The following ZCCHC24 variants were observed in gnomAD, a reference collection of about 807,000 sequenced individuals.
ZCCHC24 encodes zinc finger CCHC-type containing 24, also known as zinc finger CCHC domain-containing protein 24.
A neutral mutation model predicts 26.2 loss-of-function variants in ZCCHC24; 10 were observed. That is an observed-to-expected ratio of 0.38 (90% CI 0.24 to 0.65). The LOEUF (loss-of-function observed/expected upper bound fraction) is 0.65, where lower values mean the gene tolerates loss of function less well. Among genes scored for constraint, ZCCHC24 ranks in the 30% least tolerant of loss-of-function variants. The pLI, the probability that ZCCHC24 is intolerant of heterozygous loss-of-function variation, is 0.54. For missense variants in ZCCHC24, 243 were observed against 329.1 expected (o/e 0.74, Z 2.03); for synonymous variants, 144 against 147.1 (o/e 0.98, Z 0.15).
rs149798867 is a variant in ZCCHC24 at position 79,386,348 on chromosome 10, C to T, written c.723G>A (p.Gln241=). 1.1e-5 allele frequency: 18 copies of T among 1,612,766 alleles called. No individual in the cohort carries two copies. The highest frequency in any genetic ancestry group is 1.5e-5 in the Non-Finnish European group (18 of 1,179,740). Residue 241 remains glutamine, a synonymous_variant, in exon 4 of 4, where the codon CAG becomes CAA. Coordinates refer to ENST00000372336, the MANE Select transcript of ZCCHC24 (RefSeq NM_153367.4). The stretch of plus-strand genomic sequence containing the variant: ...CTGGGTGCGGGCGGGCAGCCCGTCA[C>T]TGCACGCGACGGCAGTAGTAGCCCA... The part of the protein sequence containing the change: ...KVLGYYCRRV[Q]
intron 1 of ZCCHC24, among the ~76,000 whole-genome samples, chr10:79,443,535 C>T (rs769122397): frequency 1.5e-4 from 23 of 152,214 alleles, no homozygotes; most frequent in Non-Finnish European, 2.6e-4. Flanking sequence ...CCATTCATAC[C>T]CTCTATCACC....
intron 3 of ZCCHC24, 34 bp from the exon 4 acceptor site, chr10:79,386,492 T>G (rs1589656566): frequency 2.0e-6 from 3 of 1,521,252 alleles, no homozygotes; most frequent in African/African-American, 1.4e-5. Context: ...CCCAGGGGAG[T>G]GAGGGGAGAG....
At chr10:79,424,674 C>T (rs941870) in intron 2 of ZCCHC24, among the ~76,000 whole-genome samples, 38,140 of 152,048 alleles carry the variant, frequency 0.25, 5,070 homozygotes, top group East Asian at 0.52. Context: ...ACCTAAAACC[C>T]TTCTCCCTGG....
intron 2 of ZCCHC24, among the ~76,000 whole-genome samples, chr10:79,399,558 G>A (rs1233536601): frequency 6.6e-6 from 1 of 152,188 alleles, no homozygotes; most frequent in African/African-American, 2.4e-5. Flanking sequence ...GGCCCTTTGG[G>A]GACCAGAGAG....
intron 2 of ZCCHC24, among the ~76,000 whole-genome samples, chr10:79,407,084 G>T (rs1224265102): frequency 1.3e-5 from 2 of 152,188 alleles, no homozygotes; most frequent in Non-Finnish European, 2.9e-5. Flanking sequence ...GTGCCACAGT[G>T]CCACCCTAGG....
At chr10:79,388,843 G>A (rs1341199754) in intron 3 of ZCCHC24, among the ~76,000 whole-genome samples, 1 of 152,244 alleles carries the variant, frequency 6.6e-6, no homozygotes, top group African/African-American at 2.4e-5. Flanking sequence ...TATGGGGAAG[G>A]GAGTTTCCAC....
At chr10:79,423,587 A>ATATATTTTATATATATAC (rs749128110) in intron 2 of ZCCHC24, among the ~76,000 whole-genome samples, 5 of 112,786 alleles carry the variant, frequency 4.4e-5, no homozygotes, top group Admixed American at 9.8e-5. Flanking sequence ...TATACTATAT[A>ATATATTTTATATATATAC]TATATATATA....
chr10:79,392,535 C>T (rs1357509303), intron 3 of ZCCHC24, among the ~76,000 whole-genome samples: 2 of 152,228 alleles, frequency 1.3e-5, no homozygotes, highest in Non-Finnish European at 2.9e-5. Flanking sequence ...ACCATCAGCC[C>T]TTTGCTGTCT....
At chr10:79,427,052 C>CA (rs1411086928) in intron 2 of ZCCHC24, among the ~76,000 whole-genome samples, 1 of 150,274 alleles carries the variant, frequency 6.7e-6, no homozygotes, top group Admixed American at 6.6e-5. Flanking sequence ...TAATATCAGA[C>CA]AAAATATACT....
chr10:79,393,509 C>T (rs142965831), intron 3 of ZCCHC24, among the ~76,000 whole-genome samples: 8 of 152,346 alleles, frequency 5.3e-5, no homozygotes, highest in African/African-American at 1.9e-4. Flanking sequence ...TCAGTCCCCT[C>T]CCAGCTCACA....
rs373809973 is a variant in ZCCHC24 at position 79,442,577 on chromosome 10, T to C, written c.246+2618A>G. Among the ~76,000 whole-genome samples the C allele has an allele frequency of 2.6e-5, 4 of 152,246 alleles. No individual in the cohort carries two copies. The East Asian group carries it at 5.8e-4, about 22-fold the overall frequency. The stretch of plus-strand genomic sequence containing the variant: ...AGGGGTTGGCGCAGACAGGCCGTGG[T>C]CAGTGGTCAGCATGCAAGTCACATC... On this transcript the variant is annotated intron_variant, in intron 1 of 3. Coordinates refer to ENST00000372336, the MANE Select transcript of ZCCHC24 (RefSeq NM_153367.4).
intron 1 of ZCCHC24, among the ~76,000 whole-genome samples, chr10:79,444,487 G>GC (rs1857333789): frequency 6.7e-6 from 1 of 148,280 alleles, no homozygotes; most frequent in East Asian, 2.0e-4. Context: ...CCCCTTTCTA[G>GC]CCCCCCTCCC....
intron 2 of ZCCHC24, among the ~76,000 whole-genome samples, chr10:79,407,848 G>T (rs1157847394): frequency 6.6e-6 from 1 of 152,160 alleles, no homozygotes; most frequent in East Asian, 1.9e-4. Flanking sequence ...AGCCTGGATT[G>T]GGGGAGAAAG....
At chr10:79,387,291 G>A (rs912172698) in intron 3 of ZCCHC24, among the ~76,000 whole-genome samples, 5 of 152,170 alleles carry the variant, frequency 3.3e-5, no homozygotes, top group African/African-American at 1.2e-4. Context: ...CATTCACAGT[G>A]CCTCATTTGC....
At chr10:79,405,226 T>C (rs943319901) in intron 2 of ZCCHC24, among the ~76,000 whole-genome samples, 1 of 152,182 alleles carries the variant, frequency 6.6e-6, no homozygotes, top group Admixed American at 6.5e-5. Flanking sequence ...AACTCAGAGA[T>C]TTCACCCGAA....
chr10:79,391,839 GC>G (rs1448257604), intron 3 of ZCCHC24, among the ~76,000 whole-genome samples: 1 of 150,968 alleles, frequency 6.6e-6, no homozygotes, highest in Non-Finnish European at 1.5e-5. Context: ...CTTGTCCTTT[GC>G]GGTGACTCAG....
chr10:79,400,822 C>T (rs1856618887), intron 2 of ZCCHC24, among the ~76,000 whole-genome samples: 1 of 152,214 alleles, frequency 6.6e-6, no homozygotes, highest in African/African-American at 2.4e-5. Flanking sequence ...AGCCCCCCAA[C>T]TGTGGAATGC....
intron 2 of ZCCHC24, among the ~76,000 whole-genome samples, chr10:79,404,043 A>ACCTTC (rs1338578216): frequency 0.012 from 1,863 of 152,100 alleles, 42 homozygotes; most frequent in African/African-American, 0.043. Context: ...TAAGAGGAGA[A>ACCTTC]GGGGGGACAG....
chr10:79,429,163 G>A (rs1728711793), intron 2 of ZCCHC24, among the ~76,000 whole-genome samples: 1 of 152,188 alleles, frequency 6.6e-6, no homozygotes, highest in Non-Finnish European at 1.5e-5. Context: ...TATGCTAAGT[G>A]AAAGAAGCCA....
Sources: allele counts gnomAD v4.1 joint callset (sites outside exome capture counted in the v4.1 genomes callset), GRCh38; gene constraint gnomAD v4.1.1; transcripts MANE v1.5; gene names NCBI Gene and HGNC (gene_info 2026-07-23, HGNC 2026-07-21).